Variants in BICDL2 observed in about 807,000 individuals in gnomAD.
The protein encoded by BICDL2 is BICD family-like cargo adapter 2.
BICDL2 carries 62 observed loss-of-function variants against 56.6 expected under a neutral mutation model. That is an observed-to-expected ratio of 1.10 (90% CI 0.89 to 1.35). The LOEUF (loss-of-function observed/expected upper bound fraction) is 1.35, where lower values mean the gene tolerates loss of function less well. Ranked by LOEUF, BICDL2 falls within the 40% of genes most tolerant of loss-of-function variation. BICDL2 has a pLI of 0.00. For missense variants in BICDL2, 808 were observed against 684.5 expected (o/e 1.18, Z -2.01); for synonymous variants, 358 against 319.8 (o/e 1.12, Z -1.27).
chr16:3,035,176 T>TTGGCCCGGGGGGGGG, intron 2 of BICDL2, 39 bp downstream of exon 2: 9 of 136,268 alleles, frequency 6.6e-5, no homozygotes, highest in Non-Finnish European at 1.2e-4. Context: ...CGTCCTCCCC[T>TTGGCCCGGGGGGGGG]GCCCACCCAC....
Position 3,035,185 on chromosome 16 carries a change from A to ACCCCCCCCCCCCC in BICDL2, c.282+29_282+30insGGGGGGGGGGGGG. ...CCCACCCGTCCTCCCCTGCCCACCC[A>ACCCCCCCCCCCCC]CCCACCCACCCCGTCCAGTGCTAGC... On this transcript the variant is annotated intron_variant, in intron 2 of 9. Coordinates refer to ENST00000572449, the MANE Select transcript of BICDL2 (RefSeq NM_001369667.1). 5 of 41,124 alleles carry ACCCCCCCCCCCCC rather than the reference A, an allele frequency of 1.2e-4. 1 individual carries two copies. The highest frequency in any genetic ancestry group is 2.1e-4 in the South Asian group (1 of 4,752). The allele number at this position is 41,124 out of a possible 1,614,324, so 2.5% of individuals were successfully genotyped here.
At chr16:3,028,902 C>T (rs374689387) in intron 7 of BICDL2, 72 bp from the exon 8 acceptor site, 21 of 1,483,452 alleles carry the variant, frequency 1.4e-5, no homozygotes, top group East Asian at 7.4e-5. Context: ...GCAGCCCCGA[C>T]TCTGGCTCTC....
intron 5 of BICDL2, 34 bp downstream of exon 5, chr16:3,030,415 C>T (rs778089853): frequency 2.5e-6 from 4 of 1,593,936 alleles, no homozygotes; most frequent in Admixed American, 1.7e-5. Context: ...GCTAAGGGTC[C>T]AGGCAGTTGT....
chr16:3,036,050 C>T lies in BICDL2; in HGVS notation c.-30-524G>A, dbSNP rs943661476. 43 of 329,416 alleles carry T rather than the reference C, an allele frequency of 1.3e-4. 1 individual carries two copies. The highest frequency in any genetic ancestry group is 1.2e-3 in the Middle Eastern group (3 of 2,510). The allele number at this position is 329,416 out of a possible 1,614,324, so 20.4% of individuals were successfully genotyped here. A position where few individuals can be genotyped will look rare whatever the true frequency, so the allele number is the denominator to read the frequency against. ...CCAGCCCCTGACCTCCCGGGTCTCT[C>T]GCCCTCATTCTCCTGCTACCTCCTG... On this transcript the variant is annotated intron_variant, in intron 1 of 9. Coordinates refer to ENST00000572449, the MANE Select transcript of BICDL2 (RefSeq NM_001369667.1).
At chr16:3,035,083 T>C in intron 2 of BICDL2, 132 bp downstream of exon 2, 1 of 907,926 alleles carries the variant, frequency 1.1e-6, no homozygotes, top group Non-Finnish European at 1.6e-6. Flanking sequence ...TGTTCCAAAG[T>C]GCCCCCCTCG....
At position 3,031,004 on chromosome 16, in the gene BICDL2, C is replaced by T. The variant is rs990313679; in HGVS notation, c.429G>A (p.Gly143=). The T allele has an allele frequency of 1.9e-6, 3 of 1,553,528 alleles. No individual in the cohort carries two copies. Among genetic ancestry groups the T allele is most frequent in the Admixed American group, 3.8e-5 (2 of 52,790 alleles). The part of the protein sequence containing the change: ...GEQRSEQQDS[G]RERARALSEL... ...CGCTGAGGGCCCGTGCCCGTTCTCG[C>T]CCACTGTCCTGCTGCTCTGAGCGCT... Residue 143 remains glycine (G), a synonymous_variant, in exon 3 of 10, where the codon GGG becomes GGA. Coordinates refer to ENST00000572449, the MANE Select transcript of BICDL2 (RefSeq NM_001369667.1).
Position 3,029,689 on chromosome 16 carries a change from C to T in BICDL2, c.813G>A (p.Arg271=), listed in dbSNP as rs569002662. Residue 271 remains arginine (R), a synonymous_variant, in exon 6 of 10, where the codon AGG becomes AGA. Transcript: ENST00000572449. ...EAGEALSALR[R]LQRRVSELEE... is the part of the protein sequence containing the mutation. ...CCAGCTCGGAGACGCGCCGCTGCAG[C>T]CTCCGCAGCGCACTCAGCGCCTCCC... 13 of 1,541,226 alleles carry T rather than the reference C, an allele frequency of 8.4e-6. No individual in the cohort carries two copies. In the East Asian group the frequency reaches 2.4e-4, roughly 29 times the overall value.
Position 3,030,709 on chromosome 16 carries a change from C to G in BICDL2, c.602G>C (p.Ser201Thr). 3.7e-6 allele frequency: 6 copies of G among 1,611,832 alleles called. No homozygotes were observed. The highest frequency in any genetic ancestry group is 5.1e-6 in the Non-Finnish European group (6 of 1,179,668). The change falls in exon 4 of 10, where the codon AGT (serine) becomes ACT (threonine). Residue 201 changes from serine (S) to threonine (T), a missense_variant. By Grantham distance (58) the Ser-to-Thr change is moderately conservative. Transcript: ENST00000572449. ...GCTGACACTCACTTCCCCCTGCAGACTCTCCAGCCGCGTCCTCAGCTCTGC... is the reference window on the plus strand; with the variant it reads ...GCTGACACTCACTTCCCCCTGCAGAGTCTCCAGCCGCGTCCTCAGCTCTGC... ...AGAELRTRLE[S>T]LQGENQMLQS...
chr16:3,030,195 T>C, intron 5 of BICDL2: 2 of 544,638 alleles, frequency 3.7e-6, no homozygotes, highest in Middle Eastern at 4.8e-4. Context: ...CTAGGGGCTG[T>C]CATTCCTGGC....
At position 3,030,814 on chromosome 16, in the gene BICDL2, T is replaced by C; in HGVS notation, c.499-2A>G. 6.2e-7 allele frequency: 1 copy of C among 1,604,032 alleles called. No individual in the cohort carries two copies. The highest frequency in any genetic ancestry group is 8.5e-7 in the Non-Finnish European group (1 of 1,176,616). On this transcript the variant is annotated splice_acceptor_variant, in intron 3 of 9. Transcript: ENST00000572449. LOFTEE classifies it high-confidence loss of function. ...AAGTTCCTGCTCAGTCTGGGAGGCC[T>C]GGGGAGGTGGAAAGAGGGACAGAGG...
chr16:3,028,305 TCCCGCCCCTTGC>T, intron 9 of BICDL2, 31 bp downstream of exon 9: 5 of 1,533,058 alleles, frequency 3.3e-6, no homozygotes, highest in Admixed American at 2.0e-5. Flanking sequence ...TCAGCGCCGG[TCCCGCCCCTTGC>T]CCCGCCCCGC....
intron 1 of BICDL2, chr16:3,035,924 G>T: frequency 3.4e-6 from 1 of 291,994 alleles, no homozygotes; most frequent in Non-Finnish European, 6.7e-6. Flanking sequence ...TTGGAGTTGG[G>T]CCCAGCCTCT....
In BICDL2 at chr16:3,031,044, GC is replaced by G. The variant is rs1462188494; in HGVS notation, c.388del (p.Ala130ProfsTer66). On this transcript the variant is annotated frameshift_variant, in exon 3 of 10. Coordinates refer to ENST00000572449, the MANE Select transcript of BICDL2 (RefSeq NM_001369667.1). LOFTEE classifies it high-confidence loss of function. ...CTCTGAGCGCTGCTCCCCAAGCTGGGCCCGCAGGGCCTCCACGTCCCCCTCC... is the reference window on the plus strand; with the variant it reads ...CTCTGAGCGCTGCTCCCCAAGCTGGGCCGCAGGGCCTCCACGTCCCCCTCC... Reference protein sequence around the residue: ...ELEGDVEALRAQLGEQRSEQQ... With the variant: ...ELEGDVEALRXQLGEQRSEQQ... 5 of 1,540,640 alleles carry G rather than the reference GC, an allele frequency of 3.2e-6. No homozygotes were observed. The highest frequency in any genetic ancestry group is 4.4e-6 in the Non-Finnish European group (5 of 1,148,622).
At chr16:3,035,682 T>C (rs1430951014) in intron 1 of BICDL2, 156 bp from the exon 2 acceptor site, 4 of 639,886 alleles carry the variant, frequency 6.3e-6, no homozygotes, top group Non-Finnish European at 1.1e-5. Flanking sequence ...GGCTACCCAG[T>C]TCCGTTAATG....
Position 3,029,519 on chromosome 16 carries a change from A to G in BICDL2, c.957+26T>C, listed in dbSNP as rs763530764. On this transcript the variant is annotated intron_variant, in intron 6 of 9. Coordinates refer to ENST00000572449, the MANE Select transcript of BICDL2 (RefSeq NM_001369667.1). ...TGCAACCCTCTCGATGGCACAGGTAAGGGGGCTGGGGCCCCACGAGCTCAC... is the reference window on the plus strand; with the variant it reads ...TGCAACCCTCTCGATGGCACAGGTAGGGGGGCTGGGGCCCCACGAGCTCAC... 11 of 1,562,076 alleles carry G rather than the reference A, an allele frequency of 7.0e-6. No individual in the cohort carries two copies. In the East Asian group the frequency reaches 2.5e-4, roughly 36 times the overall value.
chr16:3,028,776 T>C lies in BICDL2; in HGVS notation c.1162A>G (p.Lys388Glu). 2 of 1,558,512 alleles carry C rather than the reference T, an allele frequency of 1.3e-6. No homozygotes were observed. The highest frequency in any genetic ancestry group is 2.4e-5 in the South Asian group (2 of 84,580). Residue 388 changes from lysine to glutamate, a missense_variant, in exon 8 of 10, where the codon AAG (lysine) becomes GAG (glutamate). Lys to Glu is a moderately conservative substitution (Grantham distance 56). Coordinates refer to ENST00000572449, the MANE Select transcript of BICDL2 (RefSeq NM_001369667.1). ...GGGTCTTCCTGCGCCCGCAGCTCCT[T>C]CTGCCTCTGCAGCTCTTCCCGCAGG... ...QSLREELQRQ[K>E]ELRAQEDPGE...
intron 1 of BICDL2, chr16:3,036,417 C>G (rs1370739899): frequency 1.1e-5 from 5 of 455,572 alleles, no homozygotes; most frequent in African/African-American, 8.0e-5. Flanking sequence ...CCCGACACAA[C>G]AGCTTTACCA....
rs751051666 is a variant in BICDL2, at chr16:3,029,430, C to G, written c.958-1G>C. ...TTCGGGTCTTTGGGGACCGGGTGGTCTGTGGGCCAAAGAAATGGGTTAGTG... is the reference window on the plus strand; with the variant it reads ...TTCGGGTCTTTGGGGACCGGGTGGTGTGTGGGCCAAAGAAATGGGTTAGTG... On this transcript the variant is annotated splice_acceptor_variant, in intron 6 of 9. Coordinates refer to ENST00000572449, the MANE Select transcript of BICDL2 (RefSeq NM_001369667.1). LOFTEE classifies it high-confidence loss of function. 4 of 1,601,636 alleles carry G rather than the reference C, an allele frequency of 2.5e-6. No homozygotes were observed. In the South Asian group the frequency reaches 4.4e-5, roughly 18 times the overall value.
chr16:3,036,809 TCCCC>T, intron 1 of BICDL2, 81 bp downstream of exon 1: 1 of 329,600 alleles, frequency 3.0e-6, no homozygotes, highest in Non-Finnish European at 5.9e-6. Context: ...CCGCCCCGGC[TCCCC>T]CACCTTCTCC....
Sources: gnomAD v4.1 joint callset for allele counts on GRCh38, gnomAD v4.1.1 for gene constraint, MANE v1.5 for transcripts, NCBI Gene and HGNC (gene_info 2026-07-23, HGNC 2026-07-21) for gene names.